NEK10: variants seen among roughly 807,000 people sequenced by gnomAD.
NEK10 encodes the protein NIMA related kinase 10.
NEK10 carries 122 observed loss-of-function variants against 159.8 expected under a neutral mutation model. That is an observed-to-expected ratio of 0.76 (90% CI 0.66 to 0.89). The LOEUF (loss-of-function observed/expected upper bound fraction) is 0.89, where lower values mean the gene tolerates loss of function less well. Ranked by LOEUF, NEK10 falls within the 40% of genes least tolerant of loss-of-function variation. NEK10 has a pLI of 0.00. For missense variants in NEK10, 1,342 were observed against 1,323.1 expected (o/e 1.01, Z -0.22); for synonymous variants, 466 against 457.1 (o/e 1.02, Z -0.25).
intron 23 of NEK10, among the ~76,000 whole-genome samples, chr3:27,246,561 T>C (rs1057481265): frequency 2.6e-5 from 4 of 152,336 alleles, no homozygotes; most frequent in African/African-American, 7.2e-5. Flanking sequence ...AATCTAATTA[T>C]ACTCTTTCAG....
At chr3:27,147,161 C>T (rs1320940028) in intron 30 of NEK10, among the ~76,000 whole-genome samples, 1 of 152,112 alleles carries the variant, frequency 6.6e-6, no homozygotes, top group Non-Finnish European at 1.5e-5. Context: ...GGGACTAGAA[C>T]CAAGGGGGCT....
chr3:27,191,930 T>C (rs886141163), intron 26 of NEK10, 99 bp downstream of exon 26: 3 of 980,160 alleles, frequency 3.1e-6, no homozygotes, highest in Non-Finnish European at 4.8e-6. Context: ...CATGTAACTA[T>C]TTTTCTAACT....
chr3:27,288,101 G>A (rs1222782957), intron 19 of NEK10, among the ~76,000 whole-genome samples: 2 of 152,186 alleles, frequency 1.3e-5, no homozygotes, highest in Non-Finnish European at 2.9e-5. Flanking sequence ...AAGGAGAAAA[G>A]TGAAATGCGG....
intron 23 of NEK10, chr3:27,215,031 C>A (rs891656233): frequency 6.7e-6 from 4 of 595,600 alleles, no homozygotes; most frequent in South Asian, 3.9e-5. Flanking sequence ...TGTTCCCCAC[C>A]GGCGCCTCCA....
intron 30 of NEK10, among the ~76,000 whole-genome samples, chr3:27,149,417 C>T (rs571687880): frequency 6.6e-6 from 1 of 152,206 alleles, no homozygotes; most frequent in East Asian, 1.9e-4. Context: ...TTGAGCAAGG[C>T]TACTGGCACC....
chr3:27,343,531 A>C (rs1232546360), intron 5 of NEK10, among the ~76,000 whole-genome samples: 1 of 152,226 alleles, frequency 6.6e-6, no homozygotes, highest in Non-Finnish European at 1.5e-5. Flanking sequence ...CAGCTGATGC[A>C]TCTGTGAAGA....
At chr3:27,274,103 G>A (rs188697043) in intron 22 of NEK10, among the ~76,000 whole-genome samples, 19 of 152,226 alleles carry the variant, frequency 1.2e-4, no homozygotes, top group Admixed American at 7.9e-4. Context: ...AAGAGTAGGC[G>A]GCAGGTGTTT....
chr3:27,282,628 T>TACATAACTGTGTTATATATATAC (rs2042277607), intron 22 of NEK10, among the ~76,000 whole-genome samples: 1 of 139,746 alleles, frequency 7.2e-6, no homozygotes, highest in Non-Finnish European at 1.6e-5. Context: ...TATATATATA[T>TACATAACTGTGTTATATATATAC]ACATAACTGT....
At chr3:27,283,717 C>T (rs1055599927) in intron 22 of NEK10, among the ~76,000 whole-genome samples, 16 of 152,016 alleles carry the variant, frequency 1.1e-4, no homozygotes, top group African/African-American at 2.9e-4. Flanking sequence ...TTCTCATTTG[C>T]GAAATTTTAT....
chr3:27,111,431 T>A, intron 35 of NEK10, 111 bp from the exon 36 acceptor site: 1 of 791,262 alleles, frequency 1.3e-6, no homozygotes, highest in Non-Finnish European at 1.9e-6. Context: ...TCACAGTAAA[T>A]AAAAAGACGA....
chr3:27,260,688 G>C (rs1238528384), intron 22 of NEK10, among the ~76,000 whole-genome samples: 1 of 151,950 alleles, frequency 6.6e-6, no homozygotes, highest in Non-Finnish European at 1.5e-5. Context: ...TCTCTTTTTT[G>C]GTTGTGTCTC....
At chr3:27,213,834 AT>A (rs35692972) in intron 23 of NEK10, among the ~76,000 whole-genome samples, 35,605 of 152,108 alleles carry the variant, frequency 0.23, 4,522 homozygotes, top group Middle Eastern at 0.38. Context: ...CCTTTGACAT[AT>A]TTTTAAAGGC....
At chr3:27,185,273 TA>T (rs1279992231) in intron 26 of NEK10, among the ~76,000 whole-genome samples, 2 of 152,222 alleles carry the variant, frequency 1.3e-5, no homozygotes, top group Non-Finnish European at 1.5e-5. Context: ...AATCTTTTTT[TA>T]GATTCACCAA....
chr3:27,333,649 C>A (rs1216082110), intron 5 of NEK10, among the ~76,000 whole-genome samples: 5 of 152,166 alleles, frequency 3.3e-5, no homozygotes, highest in Non-Finnish European at 5.9e-5. Context: ...CTGCTGCCCT[C>A]AGGGCTTAGG....
chr3:27,283,777 C>G (rs998597233), intron 22 of NEK10, among the ~76,000 whole-genome samples: 1 of 152,176 alleles, frequency 6.6e-6, no homozygotes, highest in Non-Finnish European at 1.5e-5. Flanking sequence ...GATAAAAACT[C>G]TATGTTGAAA....
intron 30 of NEK10, among the ~76,000 whole-genome samples, chr3:27,154,990 TA>T (rs1170160322): frequency 2.6e-5 from 4 of 152,130 alleles, no homozygotes; most frequent in Admixed American, 2.0e-4. Context: ...TCCAAATCAG[TA>T]AAGAAGAAGT....
intron 30 of NEK10, among the ~76,000 whole-genome samples, chr3:27,153,425 G>C (rs1363766470): frequency 6.6e-6 from 1 of 151,824 alleles, no homozygotes; most frequent in Non-Finnish European, 1.5e-5. Context: ...GAGAAACAAT[G>C]GATTTAACTA....
rs1164246252 is a variant in NEK10, at chr3:27,192,205, C to A, written c.2329G>T (p.Val777Leu). The A allele has an allele frequency of 6.2e-7, 1 of 1,614,188 alleles. No homozygotes were observed. The highest frequency in any genetic ancestry group is 8.5e-7 in the Non-Finnish European group (1 of 1,180,008). The change falls in exon 26 of 36, where the codon GTA (valine) becomes TTA (leucine). Residue 777 changes from valine to leucine, a missense_variant. Physicochemically the swap from Val to Leu is conservative, Grantham distance 32. Transcript: ENST00000691995. The stretch of plus-strand genomic sequence containing the variant: ...TCTGATATCATCGAACTGACTTCTA[C>A]AATATCTGGACGAGCTTCCGCATCA... ...TPDAEARPDI[V>L]EVSSMISDVM...
chr3:27,298,212 T>C (rs918667318), intron 13 of NEK10, among the ~76,000 whole-genome samples: 3 of 152,164 alleles, frequency 2.0e-5, no homozygotes, highest in African/African-American at 7.2e-5. Context: ...AATTCCCACA[T>C]GTCATAGGAG....
Sources: allele counts gnomAD v4.1 joint callset (sites outside exome capture counted in the v4.1 genomes callset), GRCh38; gene constraint gnomAD v4.1.1; transcripts MANE v1.5; gene names NCBI Gene and HGNC (gene_info 2026-07-23, HGNC 2026-07-21).